The following PPARGC1A variants were observed in gnomAD, a reference collection of about 807,000 sequenced individuals.
PPARGC1A encodes the protein PPARG coactivator 1 alpha.
PPARGC1A carries 25 observed loss-of-function variants against 88.7 expected under a neutral mutation model. The observed-to-expected ratio is 0.28, with a 90% CI of 0.21 to 0.39. PPARGC1A has a LOEUF of 0.39. PPARGC1A is among the 10% of genes least tolerant of loss of function. The pLI, the probability that PPARGC1A is intolerant of heterozygous loss-of-function variation, is 1.00. For synonymous variants in PPARGC1A, 363 were observed against 355.6 expected, an observed-to-expected ratio of 1.02 and a Z score of -0.24; for missense variants, 880 against 968.7, an observed-to-expected ratio of 0.91 and a Z score of 1.22.
chr4:23,835,890 A>G (rs1342315962), intron 2 of PPARGC1A, among the ~76,000 whole-genome samples: 3 of 152,016 alleles, frequency 2.0e-5, no homozygotes, highest in Non-Finnish European at 4.4e-5. Flanking sequence ...GACAAAGAGG[A>G]CTCTGTTAAA....
the PPARGC1A span, among the ~76,000 whole-genome samples, chr4:24,221,402 A>C: frequency 7.0e-3 from 1,067 of 152,322 alleles, 14 homozygotes; most frequent in African/African-American, 0.025. Context: ...AGGAAATTAG[A>C]CAACTTGTCA....
At chr4:23,988,199 G>A in the PPARGC1A span, among the ~76,000 whole-genome samples, 2 of 152,034 alleles carry the variant, frequency 1.3e-5, no homozygotes, top group Admixed American at 1.3e-4. Context: ...ATGGACATTT[G>A]GGTTGGTTCC....
intron 7 of PPARGC1A, among the ~76,000 whole-genome samples, chr4:23,815,481 G>T (rs1322622150): frequency 3.9e-5 from 6 of 152,114 alleles, no homozygotes; most frequent in Admixed American, 3.3e-4. Flanking sequence ...ACTCAGCCAA[G>T]CTTCAGCAGC....
chr4:23,809,021 G>A (rs1383151256), intron 10 of PPARGC1A, among the ~76,000 whole-genome samples: 1 of 151,242 alleles, frequency 6.6e-6, no homozygotes, highest in Admixed American at 6.6e-5. Context: ...TTTGATTAAT[G>A]AACAACCCAA....
At chr4:24,405,615 T>C in the PPARGC1A span, among the ~76,000 whole-genome samples, 1 of 152,140 alleles carries the variant, frequency 6.6e-6, no homozygotes, top group African/African-American at 2.4e-5. Context: ...AGGTAGAAAC[T>C]CCCATTACAT....
At chr4:24,372,657 G>T in the PPARGC1A span, among the ~76,000 whole-genome samples, 1 of 152,148 alleles carries the variant, frequency 6.6e-6, no homozygotes, top group African/African-American at 2.4e-5. Context: ...AAGAACTTTT[G>T]AGTTTGGTGA....
the PPARGC1A span, among the ~76,000 whole-genome samples, chr4:24,406,206 TG>T: frequency 6.6e-6 from 1 of 152,166 alleles, no homozygotes; most frequent in Non-Finnish European, 1.5e-5. Flanking sequence ...TCGCCCTGGG[TG>T]GTTAGTATGT....
chr4:24,457,707 G>A, the PPARGC1A span, among the ~76,000 whole-genome samples: 8 of 151,746 alleles, frequency 5.3e-5, no homozygotes, highest in Non-Finnish European at 4.4e-5. Flanking sequence ...ACCACGCCTG[G>A]CTAATTTATT....
At chr4:24,090,124 A>G in the PPARGC1A span, among the ~76,000 whole-genome samples, 1 of 152,222 alleles carries the variant, frequency 6.6e-6, no homozygotes, top group Non-Finnish European at 1.5e-5. Flanking sequence ...TGAAATAAAG[A>G]CTATATAAAA....
chr4:24,253,328 C>T, the PPARGC1A span, among the ~76,000 whole-genome samples: 1 of 152,156 alleles, frequency 6.6e-6, no homozygotes, highest in Non-Finnish European at 1.5e-5. Context: ...GCCTATTTAA[C>T]GTTATGAGCA....
chr4:23,793,786 T>C lies in PPARGC1A; in HGVS notation c.*2036A>G, dbSNP rs1440535891. On this transcript the variant is annotated 3_prime_UTR_variant, in exon 13 of 13. Coordinates refer to ENST00000264867, the MANE Select transcript of PPARGC1A (RefSeq NM_013261.5). Reference sequence around the variant, plus strand: ...AACACCATGGTCACGTCAGAGGCCATGCTAGTGCAAGTAGAAACACTGCTT... The same window carrying C: ...AACACCATGGTCACGTCAGAGGCCACGCTAGTGCAAGTAGAAACACTGCTT... 1.3e-5 allele frequency: 2 copies of C among 152,010 alleles called. No homozygotes were observed. Among genetic ancestry groups the C allele is most frequent in the African/African-American group, 2.4e-5 (1 of 41,460 alleles). The allele number at this position is 152,010 out of a possible 1,614,324, so 9.4% of individuals were successfully genotyped here. A position where few individuals can be genotyped will look rare whatever the true frequency, so the allele number is the denominator to read the frequency against.
At chr4:24,150,880 C>T in the PPARGC1A span, among the ~76,000 whole-genome samples, 7 of 152,108 alleles carry the variant, frequency 4.6e-5, no homozygotes, top group South Asian at 1.0e-3. Flanking sequence ...CCATAATTTG[C>T]CCATCCTAAT....
rs144039823 is a variant in PPARGC1A at position 23,813,786 on chromosome 4, C to A, written c.1697G>T (p.Arg566Leu). ...TCGAGAAAAGGACCTTGAACGAGAG[C>A]GCATCCTTTGGGGTCTTTGAGAAAA... ...SLFSQRPQRMRSRSRSFSRHR... is the reference protein window; with the variant it reads ...SLFSQRPQRMLSRSRSFSRHR... The change falls in exon 8 of 13, where the codon CGC (arginine) becomes CTC (leucine). Residue 566 changes from arginine (R) to leucine (L), a missense_variant. Arg to Leu is a moderately radical substitution (Grantham distance 102). Transcript: ENST00000264867. The A allele has an allele frequency of 2.5e-6, 4 of 1,613,196 alleles. No homozygotes were observed. In the African/African-American group the frequency reaches 4.0e-5, roughly 16 times the overall value.
the PPARGC1A span, among the ~76,000 whole-genome samples, chr4:24,238,651 G>T: frequency 2.0e-5 from 3 of 151,930 alleles, no homozygotes; most frequent in East Asian, 3.9e-4. Flanking sequence ...GTACAAAAAG[G>T]CTTCTCAAGA....
At chr4:23,857,733 GC>G (rs1730462983) in intron 2 of PPARGC1A, among the ~76,000 whole-genome samples, 1 of 151,566 alleles carries the variant, frequency 6.6e-6, no homozygotes, top group Admixed American at 6.6e-5. Context: ...GAGCCAGTAA[GC>G]AAAAGCCTCA....
chr4:24,319,740 T>C, the PPARGC1A span, among the ~76,000 whole-genome samples: 2 of 152,228 alleles, frequency 1.3e-5, no homozygotes, highest in South Asian at 4.1e-4. Flanking sequence ...TTGATACTCA[T>C]AACTCAAGGC....
chr4:24,177,570 G>T, the PPARGC1A span, among the ~76,000 whole-genome samples: 1 of 150,220 alleles, frequency 6.7e-6, no homozygotes, highest in Non-Finnish European at 1.5e-5. Context: ...TACATATGTA[G>T]TAACTAACCT....
At chr4:24,120,437 C>T in the PPARGC1A span, among the ~76,000 whole-genome samples, 1 of 152,168 alleles carries the variant, frequency 6.6e-6, no homozygotes, top group Non-Finnish European at 1.5e-5. Flanking sequence ...GGTACTGATT[C>T]CTGTCCTTTA....
chr4:24,336,693 C>T, the PPARGC1A span, among the ~76,000 whole-genome samples: 2 of 152,142 alleles, frequency 1.3e-5, no homozygotes, highest in Admixed American at 6.5e-5. Context: ...TGTGAACATA[C>T]CAAAATACAC....
Sources: gnomAD v4.1 joint callset for allele counts (sites outside exome capture counted in the v4.1 genomes callset) on GRCh38, gnomAD v4.1.1 for gene constraint, MANE v1.5 for transcripts, NCBI Gene and HGNC (gene_info 2026-07-23, HGNC 2026-07-21) for gene names.